The following NBEAL1 variants were observed in gnomAD, a reference collection of about 807,000 sequenced individuals.
NBEAL1 encodes the protein neurobeachin like 1.
In NBEAL1, 273 loss-of-function variants were observed where a neutral mutation model predicts 351.3. That is an observed-to-expected ratio of 0.78 (90% CI 0.70 to 0.86). NBEAL1 has a LOEUF of 0.86. Among genes scored for constraint, NBEAL1 ranks in the 40% least tolerant of loss-of-function variants. NBEAL1 has a pLI of 0.00. For missense variants in NBEAL1, 2,961 were observed against 3,201.3 expected, an observed-to-expected ratio of 0.92 and a Z score of 1.81; for synonymous variants, 1,050 against 1,086.4, an observed-to-expected ratio of 0.97 and a Z score of 0.66.
At chr2:203,169,555 T>A (rs180767135) in intron 38 of NBEAL1, among the ~76,000 whole-genome samples, 192 bp from the exon 39 acceptor site, 2,403 of 151,772 alleles carry the variant, frequency 0.016, 27 homozygotes, top group Non-Finnish European at 0.024. Flanking sequence ...TACAAAAAAA[T>A]TAGCCAAGAT....
chr2:203,055,662 T>A (rs2061391354), intron 4 of NBEAL1, among the ~76,000 whole-genome samples: 1 of 152,158 alleles, frequency 6.6e-6, no homozygotes, highest in African/African-American at 2.4e-5. Flanking sequence ...AAATTAGCAT[T>A]TACTGGATTT....
chr2:203,207,056 C>G (rs2065605602), intron 51 of NBEAL1, among the ~76,000 whole-genome samples: 1 of 151,166 alleles, frequency 6.6e-6, no homozygotes, highest in Non-Finnish European at 1.5e-5. Context: ...ATGTGGGGAG[C>G]GCCTCTGCCC....
chr2:203,182,423 C>G (rs1254841480), intron 43 of NBEAL1: 1 of 152,138 alleles, frequency 6.6e-6, no homozygotes, highest in East Asian at 1.9e-4. Flanking sequence ...TCCTCACTCT[C>G]CAGAACTGGG....
intron 2 of NBEAL1, among the ~76,000 whole-genome samples, chr2:203,018,703 G>A (rs961019960): frequency 6.6e-6 from 1 of 151,998 alleles, no homozygotes; most frequent in Non-Finnish European, 1.5e-5. Context: ...GAACTCTTTT[G>A]TGTCTGTCAC....
At chr2:203,054,632 T>C (rs1016635217) in intron 4 of NBEAL1, among the ~76,000 whole-genome samples, 24 of 152,134 alleles carry the variant, frequency 1.6e-4, no homozygotes, top group African/African-American at 5.8e-4. Context: ...TTGTGTATTG[T>C]TTCTTTTGAT....
intron 3 of NBEAL1, among the ~76,000 whole-genome samples, chr2:203,049,071 A>G (rs2061280244): frequency 6.6e-6 from 1 of 151,888 alleles, no homozygotes; most frequent in Admixed American, 6.6e-5. Context: ...CAGTGGCACA[A>G]TCTTGGCTCA....
chr2:203,170,471 C>T (rs1267794707), intron 39 of NBEAL1, among the ~76,000 whole-genome samples: 4 of 152,034 alleles, frequency 2.6e-5, no homozygotes. Flanking sequence ...CCAAAAAATG[C>T]CAATTCTCCT....
intron 35 of NBEAL1, among the ~76,000 whole-genome samples, chr2:203,155,263 A>AT (rs1553620704): frequency 6.7e-6 from 1 of 150,222 alleles, no homozygotes; most frequent in African/African-American, 2.4e-5. Flanking sequence ...AAAAAAAAAA[A>AT]TTGATTTAAG....
chr2:203,137,506 C>A (rs935652196), intron 29 of NBEAL1, among the ~76,000 whole-genome samples: 14 of 152,136 alleles, frequency 9.2e-5, no homozygotes, highest in Non-Finnish European at 2.1e-4. Context: ...ATAAGGCTTT[C>A]TTCCCTAACC....
Position 203,190,317 on chromosome 2 carries a change from A to T in NBEAL1, c.6849A>T (p.Thr2283=). ...GAGCTGTGGATCTGGATGCCTTAACAGATGAGAAAGAAAGAAAAGCCTTAG... is the reference window on the plus strand; with the variant it reads ...GAGCTGTGGATCTGGATGCCTTAACTGATGAGAAAGAAAGAAAAGCCTTAG... The part of the protein sequence containing the change: ...YEGAVDLDAL[T]DEKERKALEG... Residue 2283 remains threonine (T), a synonymous_variant, in exon 46 of 56, where the codon ACA becomes ACT. Coordinates refer to ENST00000683969, the MANE Select transcript of NBEAL1 (RefSeq NM_001378026.1). 6.2e-7 allele frequency: 1 copy of T among 1,611,952 alleles called. No homozygotes were observed. The highest frequency in any genetic ancestry group is 8.5e-7 in the Non-Finnish European group (1 of 1,179,508).
chr2:203,080,673 G>C (rs1158409601), intron 8 of NBEAL1, among the ~76,000 whole-genome samples: 5 of 152,072 alleles, frequency 3.3e-5, no homozygotes, highest in African/African-American at 1.2e-4. Flanking sequence ...AGGTTTCCAG[G>C]TGGTCTGTGT....
At chr2:203,043,547 C>G (rs141613518) in intron 3 of NBEAL1, among the ~76,000 whole-genome samples, 1 of 151,988 alleles carries the variant, frequency 6.6e-6, no homozygotes, top group African/African-American at 2.4e-5. Flanking sequence ...TTGAGACCAG[C>G]CTGGGCAACA....
At chr2:203,126,997 C>G (rs560078050) in intron 23 of NBEAL1, 71 bp downstream of exon 23, 1 of 1,053,460 alleles carries the variant, frequency 9.5e-7, no homozygotes, top group East Asian at 2.6e-5. Context: ...AATGTGTAGA[C>G]TGTAGACTTT....
chr2:203,105,189 G>A (rs997963918), intron 12 of NBEAL1, among the ~76,000 whole-genome samples: 1 of 151,974 alleles, frequency 6.6e-6, no homozygotes, highest in South Asian at 2.1e-4. Flanking sequence ...ATGGATGGGC[G>A]CAGTCGCTCA....
intron 2 of NBEAL1, among the ~76,000 whole-genome samples, chr2:203,032,660 CTTTTTTTTTT>C (rs747309074): frequency 8.6e-5 from 6 of 70,144 alleles, no homozygotes; most frequent in African/African-American, 1.7e-4. Context: ...GAAATTGTAG[CTTTTTTTTTT>C]TTTTTTTTTT....
At position 203,187,296 on chromosome 2, in the gene NBEAL1, G is replaced by A. The variant is rs567915540; in HGVS notation, c.6706-1176G>A. ...TGGTCTTGAATTCCTGGGCTCAAGCGATCCACCTGCTTTGGCCTCCCAAAG... is the reference window on the plus strand; with the variant it reads ...TGGTCTTGAATTCCTGGGCTCAAGCAATCCACCTGCTTTGGCCTCCCAAAG... On this transcript the variant is annotated intron_variant, in intron 44 of 55. Coordinates refer to ENST00000683969, the MANE Select transcript of NBEAL1 (RefSeq NM_001378026.1). Among the ~76,000 whole-genome samples the A allele has an allele frequency of 5.4e-5, 8 of 149,222 alleles. No homozygotes were observed. In the South Asian group the frequency reaches 6.4e-4, roughly 12 times the overall value.
At chr2:203,179,435 A>C (rs947376198) in intron 42 of NBEAL1, among the ~76,000 whole-genome samples, 2 of 152,284 alleles carry the variant, frequency 1.3e-5, no homozygotes, top group South Asian at 2.1e-4. Context: ...GTGCCTGTGA[A>C]TAGCCACTGC....
At chr2:203,016,019 G>T (rs1447887939) in intron 1 of NBEAL1, 137 bp from the exon 2 acceptor site, 1 of 163,236 alleles carries the variant, frequency 6.1e-6, no homozygotes, top group Admixed American at 6.4e-5. Context: ...AAGTTTCTAT[G>T]AAATCTAATC....
chr2:203,207,147 C>T (rs1284685817), intron 51 of NBEAL1, among the ~76,000 whole-genome samples: 2 of 150,382 alleles, frequency 1.3e-5, no homozygotes, highest in Non-Finnish European at 3.0e-5. Flanking sequence ...GCCTGGCAAC[C>T]GCCCTGTCTG....
Sources: gnomAD v4.1 joint callset for allele counts (sites outside exome capture counted in the v4.1 genomes callset) on GRCh38, gnomAD v4.1.1 for gene constraint, MANE v1.5 for transcripts, NCBI Gene and HGNC (gene_info 2026-07-23, HGNC 2026-07-21) for gene names.